The following ARHGAP5 variants were observed in gnomAD, a reference collection of about 807,000 sequenced individuals.
ARHGAP5 encodes rho GTPase-activating protein 5.
A neutral mutation model predicts 116.6 loss-of-function variants in ARHGAP5; 23 were observed. That is an observed-to-expected ratio of 0.20 (90% CI 0.14 to 0.28). The LOEUF (loss-of-function observed/expected upper bound fraction) is 0.28. Ranked by LOEUF, ARHGAP5 falls within the 10% of genes least tolerant of loss-of-function variation. ARHGAP5 has a pLI of 1.00. For missense variants in ARHGAP5, 1,405 were observed against 1,774.8 expected, an observed-to-expected ratio of 0.79 and a Z score of 3.74; for synonymous variants, 574 against 602.0, an observed-to-expected ratio of 0.95 and a Z score of 0.68.
intron 3 of ARHGAP5, among the ~76,000 whole-genome samples, chr14:32,125,465 A>C (rs567380380): frequency 6.6e-5 from 10 of 152,338 alleles, no homozygotes; most frequent in Admixed American, 5.2e-4. Context: ...CTATTCGTTC[A>C]AGTACCTGTT....
chr14:32,083,491 T>C (rs2041798394), intron 1 of ARHGAP5, among the ~76,000 whole-genome samples: 1 of 152,256 alleles, frequency 6.6e-6, no homozygotes, highest in African/African-American at 2.4e-5. Flanking sequence ...CCCTGAGTTA[T>C]TTCAACTTGT....
chr14:32,117,062 A>T, intron 2 of ARHGAP5, 78 bp from the exon 3 acceptor site: 1 of 1,154,726 alleles, frequency 8.7e-7, no homozygotes, highest in South Asian at 2.3e-5. Context: ...TTTGATCCGA[A>T]CCGTGTATTT....
chr14:32,079,678 A>T (rs1019712918), intron 1 of ARHGAP5, among the ~76,000 whole-genome samples: 1 of 152,184 alleles, frequency 6.6e-6, no homozygotes, highest in African/African-American at 2.4e-5. Context: ...AGACTTTACT[A>T]AACTTTACCA....
At chr14:32,080,483 A>C (rs1055259397) in intron 1 of ARHGAP5, among the ~76,000 whole-genome samples, 2 of 151,944 alleles carry the variant, frequency 1.3e-5, no homozygotes, top group Admixed American at 6.6e-5. Flanking sequence ...TTAAAAAAAA[A>C]CAAAACTGAT....
intron 2 of ARHGAP5, among the ~76,000 whole-genome samples, chr14:32,095,397 C>CT (rs1423534560): frequency 7.1e-6 from 1 of 140,960 alleles, no homozygotes; most frequent in Non-Finnish European, 1.5e-5. Context: ...GGCATGTAAA[C>CT]TTTGTTTTTT....
At chr14:32,109,937 G>A (rs1235071958) in intron 2 of ARHGAP5, among the ~76,000 whole-genome samples, 1 of 151,892 alleles carries the variant, frequency 6.6e-6, no homozygotes, top group African/African-American at 2.4e-5. Flanking sequence ...CTGCCTGGAT[G>A]CTTTTAAGAT....
chr14:32,116,749 T>C (rs999245618), intron 2 of ARHGAP5, among the ~76,000 whole-genome samples: 8 of 152,140 alleles, frequency 5.3e-5, no homozygotes, highest in Non-Finnish European at 8.8e-5. Context: ...CAAATATAGA[T>C]AGACACAGAA....
intron 6 of ARHGAP5, 23 bp from the exon 7 acceptor site, chr14:32,154,598 G>GT (rs71256104): frequency 0.069 from 105,539 of 1,536,094 alleles, 4,114 homozygotes; most frequent in Non-Finnish European, 0.076. Context: ...ATTTCTAAAT[G>GT]TTTTTTCCTT....
intron 4 of ARHGAP5, among the ~76,000 whole-genome samples, chr14:32,147,658 G>GT (rs1192163449): frequency 3.3e-5 from 5 of 151,960 alleles, no homozygotes; most frequent in Non-Finnish European, 5.9e-5. Context: ...AGTATTGTAA[G>GT]TTTTTTTTAA....
intron 1 of ARHGAP5, among the ~76,000 whole-genome samples, chr14:32,082,901 T>C (rs2041792086): frequency 6.6e-6 from 1 of 152,262 alleles, no homozygotes; most frequent in Non-Finnish European, 1.5e-5. Flanking sequence ...TTTGTCTATC[T>C]CTTGGGCTCT....
In ARHGAP5 at chr14:32,156,917, T is replaced by G. The variant is rs764559068; in HGVS notation, c.*1969T>G. The G allele has an allele frequency of 6.6e-5, 10 of 152,420 alleles. No homozygotes were observed. Among genetic ancestry groups the G allele is most frequent in the Non-Finnish European group, 1.3e-4 (9 of 67,826 alleles). The allele number at this position is 152,420 out of a possible 1,614,324, so 9.4% of individuals were successfully genotyped here. ...TTTTCAAAACTGTTCGTGTCTTCAG[T>G]TCATTCTGTCATAACTTTGCTATTG... On this transcript the variant is annotated 3_prime_UTR_variant, in exon 7 of 7. Transcript: ENST00000345122.
At chr14:32,106,537 T>G (rs1165251723) in intron 2 of ARHGAP5, among the ~76,000 whole-genome samples, 1 of 152,176 alleles carries the variant, frequency 6.6e-6, no homozygotes, top group African/African-American at 2.4e-5. Context: ...CCATTCACCA[T>G]TTTTTTCAAA....
intron 3 of ARHGAP5, among the ~76,000 whole-genome samples, chr14:32,139,149 A>T (rs1211103307): frequency 2.0e-5 from 3 of 152,184 alleles, no homozygotes; most frequent in Admixed American, 1.3e-4. Flanking sequence ...TGAAGATTTT[A>T]AAAATCTGTA....
At chr14:32,087,938 A>ATT (rs1319515540) in intron 1 of ARHGAP5, among the ~76,000 whole-genome samples, 6 of 152,212 alleles carry the variant, frequency 3.9e-5, no homozygotes, top group African/African-American at 1.4e-4. Context: ...TCAGTGACCA[A>ATT]TGAAAGGGTC....
chr14:32,135,278 TA>T (rs1162382932), intron 3 of ARHGAP5, among the ~76,000 whole-genome samples: 1 of 152,220 alleles, frequency 6.6e-6, no homozygotes, highest in Non-Finnish European at 1.5e-5. Context: ...AAAATACATT[TA>T]ACTGGAATGA....
intron 3 of ARHGAP5, among the ~76,000 whole-genome samples, chr14:32,127,160 G>A (rs1159627336): frequency 6.6e-6 from 1 of 151,606 alleles, no homozygotes; most frequent in African/African-American, 2.4e-5. Flanking sequence ...ACCACTCCTG[G>A]CTGATTTTTT....
intron 3 of ARHGAP5, among the ~76,000 whole-genome samples, chr14:32,135,877 ATTAT>A (rs1344842130): frequency 6.6e-6 from 1 of 152,246 alleles, no homozygotes; most frequent in Non-Finnish European, 1.5e-5. Context: ...TGATCAAATA[ATTAT>A]TTAATTTTTT....
intron 1 of ARHGAP5, among the ~76,000 whole-genome samples, chr14:32,081,806 C>G (rs1157723495): frequency 1.3e-5 from 2 of 152,076 alleles, no homozygotes; most frequent in African/African-American, 4.8e-5. Flanking sequence ...TTTACTGATT[C>G]AAAATTGTTT....
At position 32,155,077 on chromosome 14, in the gene ARHGAP5, A is replaced by G. The variant is rs1881834526; in HGVS notation, c.*129A>G. 1.3e-6 allele frequency: 1 copy of G among 779,498 alleles called. No homozygotes were observed. The highest frequency in any genetic ancestry group is 2.7e-5 in the East Asian group (1 of 37,192). 48.3% of individuals were successfully genotyped at this position (779,498 alleles called of 1,614,324 possible). On this transcript the variant is annotated 3_prime_UTR_variant, in exon 7 of 7. Coordinates refer to ENST00000345122, the MANE Select transcript of ARHGAP5 (RefSeq NM_001030055.2). ...CATTCAAAATTACATTTTCTCTTTG[A>G]ACTAGATGGTATTCCTTATTCACTT...
Sources: gnomAD v4.1 joint callset for allele counts (sites outside exome capture counted in the v4.1 genomes callset) on GRCh38, gnomAD v4.1.1 for gene constraint, MANE v1.5 for transcripts, NCBI Gene and HGNC (gene_info 2026-07-23, HGNC 2026-07-21) for gene names.